ROBO2: variants seen among roughly 807,000 people sequenced by gnomAD.
The protein encoded by ROBO2 is roundabout guidance receptor 2.
A neutral mutation model predicts 160.8 loss-of-function variants in ROBO2; 53 were observed. The ratio of observed to expected loss-of-function variants is 0.33; its 90% CI spans 0.26 to 0.41. ROBO2 has a LOEUF of 0.41. ROBO2 is among the 10% of genes least tolerant of loss of function. The probability of loss-of-function intolerance (pLI) is 1.00; values close to 1 mark genes in which losing one functional copy is unlikely to be tolerated. For synonymous variants in ROBO2, 664 were observed against 611.7 expected (o/e 1.09, Z -1.26); for missense variants, 1,577 against 1,722.4 (o/e 0.92, Z 1.49).
At chr3:76,965,785 G>GTGTATATATATATATATA (rs1424338840) in intron 2 of ROBO2, among the ~76,000 whole-genome samples, 87 of 129,194 alleles carry the variant, frequency 6.7e-4, no homozygotes, top group African/African-American at 2.6e-3. Flanking sequence ...TTGTGTTTGT[G>GTGTATATATATATATATA]TATATATATA....
chr3:77,231,140 G>A (rs1024952033), intron 2 of ROBO2, among the ~76,000 whole-genome samples: 2 of 151,830 alleles, frequency 1.3e-5, no homozygotes, highest in South Asian at 2.1e-4. Context: ...CGAGGTGGGC[G>A]GATCATTTGA....
intron 2 of ROBO2, among the ~76,000 whole-genome samples, chr3:76,448,056 A>G (rs1304775798): frequency 6.6e-6 from 1 of 151,960 alleles, no homozygotes; most frequent in Non-Finnish European, 1.5e-5. Flanking sequence ...AAAAAAAGAA[A>G]TTAAGCAGAA....
intron 2 of ROBO2, among the ~76,000 whole-genome samples, chr3:76,106,594 T>C (rs1490518623): frequency 3.3e-5 from 5 of 152,100 alleles, no homozygotes; most frequent in Non-Finnish European, 4.4e-5. Flanking sequence ...AAATTTACTC[T>C]CTTCCATGGC....
chr3:76,597,743 G>A (rs923541533), intron 2 of ROBO2, among the ~76,000 whole-genome samples: 5 of 151,756 alleles, frequency 3.3e-5, no homozygotes, highest in Admixed American at 2.0e-4. Context: ...CCCTCCTTGT[G>A]TTCATGTGTT....
intron 1 of ROBO2, among the ~76,000 whole-genome samples, chr3:77,079,644 C>A (rs1016615132): frequency 1.3e-5 from 2 of 152,046 alleles, no homozygotes; most frequent in African/African-American, 4.8e-5. Flanking sequence ...TGTTCTTAGT[C>A]CCTTCTTTAT....
At chr3:77,599,825 T>C (rs1021120481) in intron 19 of ROBO2, among the ~76,000 whole-genome samples, 4 of 152,128 alleles carry the variant, frequency 2.6e-5, no homozygotes, top group African/African-American at 4.8e-5. Flanking sequence ...AGCAAGTGCT[T>C]ACTCTCTTCA....
Position 76,097,377 on chromosome 3 carries a change from T to G in ROBO2, c.109+159775T>G, listed in dbSNP as rs371423185. Among the ~76,000 whole-genome samples, 16 of 152,286 alleles carry G rather than the reference T, an allele frequency of 1.1e-4. No individual in the cohort carries two copies. In the East Asian group the frequency reaches 1.2e-3, roughly 11 times the overall value. On this transcript the variant is annotated intron_variant, in intron 2 of 26. Coordinates refer to the ROBO2 transcript ENST00000487694. ...TTCTTGGGACTGCAGCAGGGGCTCC[T>G]GCTGAGAAGAGCTATTGATGCTTCC...
At chr3:76,885,128 T>A (rs1444069214) in intron 2 of ROBO2, among the ~76,000 whole-genome samples, 2 of 152,152 alleles carry the variant, frequency 1.3e-5, no homozygotes, top group Admixed American at 6.5e-5. Context: ...GACTAGCCAA[T>A]AACTGCAGGA....
intron 2 of ROBO2, among the ~76,000 whole-genome samples, chr3:77,297,905 G>T (rs559332911): frequency 6.6e-6 from 1 of 152,240 alleles, no homozygotes; most frequent in Non-Finnish European, 1.5e-5. Context: ...ACATGAGGAG[G>T]CATGCTAACA....
chr3:76,018,280 T>C (rs900230421), intron 2 of ROBO2, among the ~76,000 whole-genome samples: 13 of 151,736 alleles, frequency 8.6e-5, no homozygotes, highest in Non-Finnish European at 1.6e-4. Context: ...AATAGAAAAA[T>C]AGAAAAAATA....
chr3:76,898,659 AT>A lies in ROBO2; in HGVS notation c.110-199350del, dbSNP rs199623166. Among the ~76,000 whole-genome samples, 686 of 152,164 alleles carry A rather than the reference AT, an allele frequency of 4.5e-3. 5 individuals carry two copies. Among genetic ancestry groups the A allele is most frequent in the African/African-American group, 0.016 (672 of 41,554 alleles). Reference sequence around the variant, plus strand: ...GGAGTCAACCGACCCCCATAAATTCATTTTTAGGAGGAATTTTACTTAGTCT... The same window carrying A: ...GGAGTCAACCGACCCCCATAAATTCATTTTAGGAGGAATTTTACTTAGTCT... On this transcript the variant is annotated intron_variant, in intron 2 of 26. Coordinates refer to the ROBO2 transcript ENST00000487694.
intron 2 of ROBO2, among the ~76,000 whole-genome samples, chr3:77,425,637 G>A (rs1229737612): frequency 3.3e-5 from 5 of 151,316 alleles, no homozygotes; most frequent in Non-Finnish European, 7.4e-5. Flanking sequence ...ATGCAAAGAT[G>A]TGCAGACCAT....
At chr3:76,474,356 A>G (rs2078821278) in intron 2 of ROBO2, among the ~76,000 whole-genome samples, 1 of 152,144 alleles carries the variant, frequency 6.6e-6, no homozygotes, top group Non-Finnish European at 1.5e-5. Flanking sequence ...AATTTCCATG[A>G]GGACATAGAC....
At chr3:77,629,932 T>G (rs997707517) in intron 23 of ROBO2, 1 of 152,158 alleles carries the variant, frequency 6.6e-6, no homozygotes, top group African/African-American at 2.4e-5. Context: ...AATTCCATTG[T>G]CTAGGAGAGG....
intron 2 of ROBO2, among the ~76,000 whole-genome samples, chr3:77,376,154 C>CTTTTTTTTTTTTTTTT (rs11425201): frequency 8.7e-6 from 1 of 115,524 alleles, no homozygotes; most frequent in African/African-American, 3.4e-5. Context: ...ATTTAACTTT[C>CTTTTTTTTTTTTTTTT]TTTTTTTTTT....
intron 2 of ROBO2, among the ~76,000 whole-genome samples, chr3:76,285,077 A>G (rs1198989049): frequency 6.6e-6 from 1 of 152,158 alleles, no homozygotes; most frequent in Non-Finnish European, 1.5e-5. Context: ...AACCAAGTTT[A>G]ATGAGAAATT....
chr3:77,429,470 C>T (rs886953071), intron 2 of ROBO2, among the ~76,000 whole-genome samples: 2 of 152,100 alleles, frequency 1.3e-5, no homozygotes, highest in African/African-American at 4.8e-5. Context: ...ATCAACTAAT[C>T]ATCAAAATCC....
chr3:76,693,339 A>G (rs2092852495), intron 2 of ROBO2, among the ~76,000 whole-genome samples: 1 of 150,722 alleles, frequency 6.6e-6, no homozygotes. Context: ...ACATATCCCT[A>G]TATATATTTA....
intron 1 of ROBO2, among the ~76,000 whole-genome samples, chr3:75,911,552 CTTTTTTTTTTTT>C (rs56787695): frequency 0.013 from 1,098 of 83,570 alleles, 40 homozygotes; most frequent in Admixed American, 0.077. Context: ...AGCCTTGTTT[CTTTTTTTTTTTT>C]TTTTTTTTTT....
Sources: allele counts gnomAD v4.1 joint callset (sites outside exome capture counted in the v4.1 genomes callset), GRCh38; gene constraint gnomAD v4.1.1; transcripts MANE v1.5; gene names NCBI Gene and HGNC (gene_info 2026-07-23, HGNC 2026-07-21).